The following FARSB variants were observed in gnomAD, a reference collection of about 807,000 sequenced individuals.
The protein encoded by FARSB is phenylalanine--tRNA ligase beta subunit.
FARSB carries 40 observed loss-of-function variants against 69.6 expected under a neutral mutation model. That is an observed-to-expected ratio of 0.57 (90% CI 0.45 to 0.75). FARSB has a LOEUF of 0.75. FARSB is among the 30% of genes least tolerant of loss of function. The pLI, the probability that FARSB is intolerant of heterozygous loss-of-function variation, is 0.00. For synonymous variants in FARSB, 235 were observed against 247.2 expected (o/e 0.95, Z 0.46); for missense variants, 632 against 722.9 (o/e 0.87, Z 1.44).
At position 222,613,822 on chromosome 2, in the gene FARSB, T is replaced by C. The variant is rs1574932546; in HGVS notation, c.1451A>G (p.Asp484Gly). The change falls in exon 15 of 17, where the codon GAT (aspartate) becomes GGT (glycine). Residue 484 changes from aspartate (D) to glycine (G), a missense_variant. Transcript: ENST00000281828. ...TGACTTATTCTTACCTGTATTAGAA[T>C]CTTTTATTACAATGTCAGAGATTTC... Reference protein sequence around the residue: ...LFEISDIVIKDSNTDVGAKNY... With the variant: ...LFEISDIVIKGSNTDVGAKNY... 6.4e-7 allele frequency: 1 copy of C among 1,569,608 alleles called. No individual in the cohort carries two copies. The highest frequency in any genetic ancestry group is 1.3e-5 in the African/African-American group (1 of 74,152).
At chr2:222,615,233 G>T (rs1690967398) in intron 14 of FARSB, among the ~76,000 whole-genome samples, 1 of 152,260 alleles carries the variant, frequency 6.6e-6, no homozygotes, top group Admixed American at 6.5e-5. Context: ...GAGAGTCTGG[G>T]CTCTGCATTC....
intron 15 of FARSB, among the ~76,000 whole-genome samples, chr2:222,607,836 G>A (rs1348089876): frequency 6.6e-6 from 1 of 151,824 alleles, no homozygotes; most frequent in Non-Finnish European, 1.5e-5. Flanking sequence ...TTAAAATAGT[G>A]CTGAAAAGCC....
Position 222,624,460 on chromosome 2 carries a change from C to A in FARSB, c.982G>T (p.Ala328Ser). 2 of 1,611,982 alleles carry A rather than the reference C, an allele frequency of 1.2e-6. No homozygotes were observed. Among genetic ancestry groups the A allele is most frequent in the Non-Finnish European group, 1.7e-6 (2 of 1,178,174 alleles). The change falls in exon 12 of 17, where the codon GCC (alanine) becomes TCC (serine). Residue 328 changes from alanine to serine, a missense_variant. Coordinates refer to ENST00000281828, the MANE Select transcript of FARSB (RefSeq NM_005687.5). The stretch of plus-strand genomic sequence containing the variant: ...AAATACATCCTGGTCAGAAGTTTGG[C>A]AAGATTTTCTGGAGTTTCTCTGAAA... ...VGIRETPENLAKLLTRMYLKS... is the reference protein window; with the variant it reads ...VGIRETPENLSKLLTRMYLKS...
At chr2:222,609,258 T>C (rs1414278882) in intron 15 of FARSB, among the ~76,000 whole-genome samples, 2 of 152,244 alleles carry the variant, frequency 1.3e-5, no homozygotes, top group African/African-American at 4.8e-5. Context: ...TTTCTGGGCA[T>C]AAGGATTAAG....
intron 15 of FARSB, among the ~76,000 whole-genome samples, chr2:222,605,429 G>C (rs1478518736): frequency 6.6e-6 from 1 of 152,114 alleles, no homozygotes; most frequent in Non-Finnish European, 1.5e-5. Context: ...ACCATTAAGA[G>C]AGAGCTTAGC....
intron 10 of FARSB, among the ~76,000 whole-genome samples, 200 bp downstream of exon 10, chr2:222,628,637 T>A (rs1392149275): frequency 6.6e-6 from 1 of 152,164 alleles, no homozygotes; most frequent in Non-Finnish European, 1.5e-5. Context: ...TCTCAGGGAC[T>A]CCATCTGGAA....
chr2:222,631,423 AATT>A (rs1301703134), intron 8 of FARSB, among the ~76,000 whole-genome samples, 178 bp downstream of exon 8: 47 of 152,234 alleles, frequency 3.1e-4, no homozygotes, highest in Non-Finnish European at 1.3e-4. Flanking sequence ...ACATTTGTCG[AATT>A]AATGAAAGCA....
In FARSB at chr2:222,608,037, C is replaced by T. The variant is rs1690752372; in HGVS notation, c.1462+5774G>A. On this transcript the variant is annotated intron_variant, in intron 15 of 16. Transcript: ENST00000281828. ...GTTAGCAGATCTTAACTATGTGGAA[C>T]CAAATGTACTAAAATAACTTTCTAT... 2.0e-5 allele frequency among the ~76,000 whole-genome samples: 3 copies of T among 151,874 alleles called. No individual in the cohort carries two copies. In the South Asian group the frequency reaches 6.2e-4, roughly 31 times the overall value.
At position 222,631,682 on chromosome 2, in the gene FARSB, G is replaced by A. The variant is rs746200804; in HGVS notation, c.716-8C>T. 1.4e-6 allele frequency: 2 copies of A among 1,479,242 alleles called. No individual in the cohort carries two copies. Among genetic ancestry groups the A allele is most frequent in the African/African-American group, 1.4e-5 (1 of 72,340 alleles). The allele number at this position is 1,479,242 out of a possible 1,614,324, so 91.6% of individuals were successfully genotyped here. ...TTATTCTGGAATGATCCCCTGCAATGAACACAAAACAATAACATTAAAATA... is the reference window on the plus strand; with the variant it reads ...TTATTCTGGAATGATCCCCTGCAATAAACACAAAACAATAACATTAAAATA... On this transcript the variant is annotated splice_region_variant and splice_polypyrimidine_tract_variant and intron_variant, in intron 7 of 16. Coordinates refer to ENST00000281828, the MANE Select transcript of FARSB (RefSeq NM_005687.5).
At chr2:222,596,151 G>A (rs184264425) in intron 16 of FARSB, among the ~76,000 whole-genome samples, 47 of 152,220 alleles carry the variant, frequency 3.1e-4, no homozygotes, top group East Asian at 3.9e-4. Context: ...AGGGGACCAC[G>A]GCTTTTCACT....
chr2:222,593,154 G>C lies in FARSB; in HGVS notation c.1618+6774C>G, dbSNP rs79173289. On this transcript the variant is annotated intron_variant, in intron 16 of 16. Transcript: ENST00000281828. ...CAAAGTATTCATTATGTTATAGCAC[G>C]CATTTTCCACAGGGGCGGAACTGGT... Among the ~76,000 whole-genome samples, 1,387 of 152,188 alleles carry C rather than the reference G, an allele frequency of 9.1e-3. 24 individuals carry two copies. Among genetic ancestry groups the C allele is most frequent in the African/African-American group, 0.032 (1,326 of 41,516 alleles).
At position 222,638,965 on chromosome 2, in the gene FARSB, G is replaced by A. The variant is rs145509313; in HGVS notation, c.455+615C>T. On this transcript the variant is annotated intron_variant, in intron 5 of 16. Transcript: ENST00000281828. Reference sequence around the variant, plus strand: ...TTAGGATTTTGAAATACTTAAATTTGTTCAAGGATTCCCGTTGTTACCTTC... The same window carrying A: ...TTAGGATTTTGAAATACTTAAATTTATTCAAGGATTCCCGTTGTTACCTTC... 2.6e-5 allele frequency among the ~76,000 whole-genome samples: 4 copies of A among 152,244 alleles called. No individual in the cohort carries two copies. In the East Asian group the frequency reaches 7.7e-4, roughly 29 times the overall value.
intron 16 of FARSB, among the ~76,000 whole-genome samples, chr2:222,581,943 TAA>T (rs1018509927): frequency 6.6e-6 from 1 of 152,136 alleles, no homozygotes; most frequent in Admixed American, 6.5e-5. Context: ...TGTGGAGAAA[TAA>T]GTCCTCTCAA....
At position 222,571,751 on chromosome 2, in the gene FARSB, G is replaced by T; in HGVS notation, c.*120C>A. 1.2e-6 allele frequency: 1 copy of T among 838,766 alleles called. No homozygotes were observed. The highest frequency in any genetic ancestry group is 1.8e-6 in the Non-Finnish European group (1 of 542,350). The allele number at this position is 838,766 out of a possible 1,614,324, so 52.0% of individuals were successfully genotyped here. A position where few individuals can be genotyped will look rare whatever the true frequency, so the allele number is the denominator to read the frequency against. On this transcript the variant is annotated 3_prime_UTR_variant, in exon 17 of 17. Coordinates refer to ENST00000281828, the MANE Select transcript of FARSB (RefSeq NM_005687.5). ...GTCTCTACCCACACAGCCAGACAGT[G>T]CTTTCTACTTTATTAAACATCAAAG...
intron 2 of FARSB, among the ~76,000 whole-genome samples, chr2:222,644,836 T>C (rs1691807589): frequency 6.6e-6 from 1 of 152,186 alleles, no homozygotes; most frequent in African/African-American, 2.4e-5. Context: ...AAGAGTAATG[T>C]GAATGTAGTC....
chr2:222,605,166 T>TCC (rs1341611820), intron 15 of FARSB, among the ~76,000 whole-genome samples: 1 of 150,826 alleles, frequency 6.6e-6, no homozygotes, highest in Non-Finnish European at 1.5e-5. Context: ...AAACTTTCTC[T>TCC]CTCTCTCTCT....
At chr2:222,641,015 T>C (rs1691706620) in intron 3 of FARSB, 84 bp from the exon 4 acceptor site, 7 of 592,450 alleles carry the variant, frequency 1.2e-5, no homozygotes, top group Non-Finnish European at 1.9e-5. Flanking sequence ...ATATAGGAAG[T>C]ATACAAAATG....
intron 16 of FARSB, among the ~76,000 whole-genome samples, chr2:222,589,344 C>A (rs1330589380): frequency 6.6e-6 from 1 of 152,110 alleles, no homozygotes; most frequent in African/African-American, 2.4e-5. Flanking sequence ...CTTCCTTACA[C>A]CTTATACAAA....
In FARSB at chr2:222,624,404, C is replaced by G. The variant is rs1691215634; in HGVS notation, c.1038G>C (p.Gln346His). 4 of 1,612,328 alleles carry G rather than the reference C, an allele frequency of 2.5e-6. No homozygotes were observed. The highest frequency in any genetic ancestry group is 3.4e-6 in the Non-Finnish European group (4 of 1,178,392). ...TGGTTGGAGGGATTTCAATCTCAAT[C>G]TGATTCCCATCACCTATGACTTCTG... Reference protein sequence around the residue: ...LKSEVIGDGNQIEIEIPPTRA... With the variant: ...LKSEVIGDGNHIEIEIPPTRA... The change falls in exon 12 of 17, where the codon CAG (glutamine) becomes CAC (histidine). Residue 346 changes from glutamine to histidine, a missense_variant. Physicochemically the swap from Gln to His is conservative, Grantham distance 24. Coordinates refer to ENST00000281828, the MANE Select transcript of FARSB (RefSeq NM_005687.5).
Sources: gnomAD v4.1 joint callset for allele counts (sites outside exome capture counted in the v4.1 genomes callset) on GRCh38, gnomAD v4.1.1 for gene constraint, MANE v1.5 for transcripts, NCBI Gene and HGNC (gene_info 2026-07-23, HGNC 2026-07-21) for gene names.